The following LINC01488 variants were observed in gnomAD, a reference collection of about 807,000 sequenced individuals.
LINC01488 encodes long independently transcribed non-coding RNA 1488.
At chr11:69,492,244 G>A (rs1464566262) in exon 4 of LINC01488, 1 of 152,198 alleles carries the variant, frequency 6.6e-6, no homozygotes, top group African/African-American at 2.4e-5. Flanking sequence ...AGCCAGCAGG[G>A]TTCTGAACTG....
chr11:69,488,780 C>T (rs1857166742), intron 1 of LINC01488, among the ~76,000 whole-genome samples: 1 of 152,206 alleles, frequency 6.6e-6, no homozygotes. Flanking sequence ...GCACGGGGCC[C>T]TGGGCATGGG....
chr11:69,482,106 G>A (rs534163754), intron 1 of LINC01488, among the ~76,000 whole-genome samples: 6 of 152,244 alleles, frequency 3.9e-5, no homozygotes. Flanking sequence ...GAAGGAAAGA[G>A]GTTTAATGGA....
At chr11:69,482,356 A>G (rs1053539831) in intron 1 of LINC01488, among the ~76,000 whole-genome samples, 4 of 152,078 alleles carry the variant, frequency 2.6e-5, no homozygotes, top group Admixed American at 2.6e-4. Context: ...ATTACAATTT[A>G]AGGTGAGATG....
rs902673558 is a variant in LINC01488 at position 69,486,819 on chromosome 11, C to G, written n.123-3676C>G. On this transcript the variant is annotated intron_variant and non_coding_transcript_variant, in intron 1 of 3. Coordinates refer to ENST00000644563, the Ensembl canonical transcript of LINC01488. ...GAACTCCCAGCCAGCCCCAGGACGG[C>G]TGCCTGGCTGTGTTGCTGGCCCTGC... is the stretch of plus-strand genomic sequence containing the variant. Among the ~76,000 whole-genome samples, 5 of 152,140 alleles carry G rather than the reference C, an allele frequency of 3.3e-5. No individual in the cohort carries two copies. In the East Asian group the frequency reaches 9.7e-4, roughly 29 times the overall value.
intron 1 of LINC01488, among the ~76,000 whole-genome samples, chr11:69,488,863 A>C (rs537565511): frequency 1.3e-5 from 2 of 152,288 alleles, no homozygotes; most frequent in African/African-American, 4.8e-5. Flanking sequence ...GGGTGAGGCC[A>C]GCCTGGCCCA....
At chr11:69,489,832 C>T (rs1235805618) in intron 1 of LINC01488, among the ~76,000 whole-genome samples, 1 of 152,200 alleles carries the variant, frequency 6.6e-6, no homozygotes, top group Non-Finnish European at 1.5e-5. Flanking sequence ...TGGATTTGGC[C>T]TTCCACCTTG....
At chr11:69,483,972 G>A (rs1319758384) in intron 1 of LINC01488, among the ~76,000 whole-genome samples, 1 of 152,222 alleles carries the variant, frequency 6.6e-6, no homozygotes, top group East Asian at 1.9e-4. Context: ...AGGGGCAGGC[G>A]GGCTGGGGCT....
chr11:69,484,184 G>A (rs1857079097), intron 1 of LINC01488, among the ~76,000 whole-genome samples: 1 of 152,186 alleles, frequency 6.6e-6, no homozygotes, highest in African/African-American at 2.4e-5. Context: ...GAGATAGAGA[G>A]CGACCTCAGA....
chr11:69,492,396 C>T (rs1016868438), exon 4 of LINC01488: 1 of 152,248 alleles, frequency 6.6e-6, no homozygotes, highest in Non-Finnish European at 1.5e-5. Flanking sequence ...GGTTAAGGAC[C>T]CTGAGAGGAG....
intron 1 of LINC01488, among the ~76,000 whole-genome samples, chr11:69,482,122 A>G (rs1425626427): frequency 6.6e-6 from 1 of 152,202 alleles, no homozygotes; most frequent in Non-Finnish European, 1.5e-5. Context: ...ATGGACTCAC[A>G]GTTCCACATG....
chr11:69,482,545 G>T (rs1857059067), intron 1 of LINC01488, among the ~76,000 whole-genome samples: 1 of 141,096 alleles, frequency 7.1e-6, no homozygotes, highest in Admixed American at 7.4e-5. Context: ...GATGATGAGT[G>T]GATGGATGAG....
exon 4 of LINC01488, chr11:69,492,801 T>C (rs939526214): frequency 4.6e-5 from 7 of 152,254 alleles, no homozygotes; most frequent in Non-Finnish European, 1.0e-4. Context: ...GAGCTCACAC[T>C]GAAGCCTCCT....
chr11:69,481,842 AATGGATGG>A (rs976604465), intron 1 of LINC01488: 7 of 152,100 alleles, frequency 4.6e-5, no homozygotes, highest in African/African-American at 1.2e-4. Context: ...GAGGTGGGTG[AATGGATGG>A]ATGGATGGAT....
chr11:69,489,469 A>C (rs973041877), intron 1 of LINC01488, among the ~76,000 whole-genome samples: 18 of 152,322 alleles, frequency 1.2e-4, no homozygotes, highest in African/African-American at 4.3e-4. Flanking sequence ...AGGGACCCCA[A>C]ACCTCCAGCG....
Position 69,482,770 on chromosome 11 carries a change from C to T in LINC01488, n.122+987C>T, listed in dbSNP as rs998250629. Among the ~76,000 whole-genome samples, 7 of 152,174 alleles carry T rather than the reference C, an allele frequency of 4.6e-5. No individual in the cohort carries two copies. The East Asian group carries it at 5.8e-4, about 13-fold the overall frequency. ...TACAAACAGATGTTTCTTCTTTCAC[C>T]GTCCTGGAGGCTAGACGTCTGAGAT... is the stretch of plus-strand genomic sequence containing the variant. On this transcript the variant is annotated intron_variant and non_coding_transcript_variant, in intron 1 of 3. Coordinates refer to ENST00000644563, the Ensembl canonical transcript of LINC01488.
Position 69,483,589 on chromosome 11 carries a change from G to A in LINC01488, n.122+1806G>A, listed in dbSNP as rs1305746131. 2.6e-5 allele frequency among the ~76,000 whole-genome samples: 4 copies of A among 152,196 alleles called. No homozygotes were observed. In the East Asian group the frequency reaches 7.7e-4, roughly 29 times the overall value. ...AGCGTCGGGACTTGTCTGTGACCCG[G>A]GCTCAGAGGGCTGTGGGCTCAGAGG... On this transcript the variant is annotated intron_variant and non_coding_transcript_variant, in intron 1 of 3. Coordinates refer to ENST00000644563, the Ensembl canonical transcript of LINC01488.
intron 1 of LINC01488, among the ~76,000 whole-genome samples, chr11:69,483,223 T>A (rs1256692089): frequency 6.6e-6 from 1 of 152,158 alleles, no homozygotes; most frequent in East Asian, 1.9e-4. Context: ...CCTTCTTTCT[T>A]TCATCAGGAC....
intron 1 of LINC01488, among the ~76,000 whole-genome samples, chr11:69,486,413 G>T (rs1173564865): frequency 1.3e-5 from 2 of 152,226 alleles, no homozygotes; most frequent in African/African-American, 4.8e-5. Flanking sequence ...GCCCACTGGG[G>T]CCTCCAGGTT....
At chr11:69,485,125 G>A (rs1857093861) in intron 1 of LINC01488, among the ~76,000 whole-genome samples, 1 of 152,182 alleles carries the variant, frequency 6.6e-6, no homozygotes, top group East Asian at 1.9e-4. Context: ...GATCCTCCAG[G>A]TCAGGTGCTT....
Sources: gnomAD v4.1 joint callset for allele counts (sites outside exome capture counted in the v4.1 genomes callset) on GRCh38, gnomAD v4.1.1 for gene constraint, MANE v1.5 for transcripts, NCBI Gene and HGNC (gene_info 2026-07-23, HGNC 2026-07-21) for gene names.